Variants in DLGAP4 observed in about 807,000 individuals in gnomAD.
The protein encoded by DLGAP4 is DLG associated protein 4, also known as disks large-associated protein 4.
A neutral mutation model predicts 86.9 loss-of-function variants in DLGAP4; 18 were observed. The ratio of observed to expected loss-of-function variants is 0.21; its 90% CI spans 0.14 to 0.31. The LOEUF (loss-of-function observed/expected upper bound fraction) is 0.31. Ranked by LOEUF, DLGAP4 falls within the 10% of genes least tolerant of loss-of-function variation. The probability of loss-of-function intolerance (pLI) is 1.00; values close to 1 mark genes in which losing one functional copy is unlikely to be tolerated. For synonymous variants in DLGAP4, 548 were observed against 574.3 expected (o/e 0.95, Z 0.65); for missense variants, 1,085 against 1,362.6 (o/e 0.80, Z 3.21).
chr20:36,526,836 G>A lies in DLGAP4; in HGVS notation c.2784G>A (p.Pro928=), dbSNP rs376145619. ...AGGAAGAGAAGAAACCACCCCCTCC[G>A]GTCCCAAAGAAGCCAGCCAAATCCA... The part of the protein sequence containing the change: ...KRKEEKKPPP[P]VPKKPAKSKP... The change falls in exon 13 of 13, where the codon CCG becomes CCA. Residue 928 remains proline (P), a synonymous_variant. Coordinates refer to ENST00000339266, the MANE Select transcript of DLGAP4 (RefSeq NM_001365621.2). 1.9e-5 allele frequency: 31 copies of A among 1,609,220 alleles called. No individual in the cohort carries two copies. Among genetic ancestry groups the A allele is most frequent in the Middle Eastern group, 1.9e-4 (1 of 5,218 alleles).
At position 36,357,758 on chromosome 20, in the gene DLGAP4, C is replaced by T. The variant is rs756800158; in HGVS notation, c.-303-9287C>T. 1.3e-3 allele frequency among the ~76,000 whole-genome samples: 205 copies of T among 152,110 alleles called. 1 individual carries two copies. Among genetic ancestry groups the T allele is most frequent in the Non-Finnish European group, 1.5e-3 (103 of 67,994 alleles). On this transcript the variant is annotated intron_variant, in intron 1 of 12. Coordinates refer to ENST00000339266, the MANE Select transcript of DLGAP4 (RefSeq NM_001365621.2). ...GCCACTGTGGCAGGCCCTGAGAGTGCGGAATAGAAACAAAGGGATTACAGG... is the reference window on the plus strand; with the variant it reads ...GCCACTGTGGCAGGCCCTGAGAGTGTGGAATAGAAACAAAGGGATTACAGG...
At chr20:36,438,701 ATCT>A (rs2033357821) in intron 4 of DLGAP4, among the ~76,000 whole-genome samples, 1 of 106,202 alleles carries the variant, frequency 9.4e-6, no homozygotes, top group African/African-American at 3.4e-5. Context: ...CAGTTTCCCC[ATCT>A]TTTTTTTTTT....
intron 7 of DLGAP4, among the ~76,000 whole-genome samples, chr20:36,477,189 A>G (rs1211013560): frequency 6.7e-6 from 1 of 150,044 alleles, no homozygotes; most frequent in Non-Finnish European, 1.5e-5. Flanking sequence ...CTCGCCTCCT[A>G]GGTCCAAGTG....
intron 7 of DLGAP4, among the ~76,000 whole-genome samples, chr20:36,466,950 C>CTCTCTCTCTCTG (rs2034391611): frequency 7.1e-6 from 1 of 140,364 alleles, no homozygotes; most frequent in African/African-American, 3.2e-5. Context: ...CTCTCTGTCT[C>CTCTCTCTCTCTG]TCTCTCTCTC....
At chr20:36,485,721 C>G (rs540873950) in intron 7 of DLGAP4, among the ~76,000 whole-genome samples, 1 of 152,334 alleles carries the variant, frequency 6.6e-6, no homozygotes, top group East Asian at 1.9e-4. Context: ...ATAATTACCA[C>G]TCCTCCCAGA....
chr20:36,440,745 G>C (rs1030367807), intron 5 of DLGAP4, among the ~76,000 whole-genome samples: 1 of 151,856 alleles, frequency 6.6e-6, no homozygotes, highest in Admixed American at 6.6e-5. Context: ...GGACTAAAAG[G>C]CACCCCCCAT....
intron 10 of DLGAP4, among the ~76,000 whole-genome samples, chr20:36,509,668 C>T (rs928146842): frequency 3.9e-5 from 6 of 151,938 alleles, no homozygotes; most frequent in Admixed American, 2.0e-4. Flanking sequence ...GAGGATTGCT[C>T]GAGTGTGGGA....
chr20:36,356,587 AG>A (rs1286264161), intron 1 of DLGAP4, among the ~76,000 whole-genome samples: 1 of 151,750 alleles, frequency 6.6e-6, no homozygotes, highest in Non-Finnish European at 1.5e-5. Context: ...CTGGGATTAC[AG>A]GGGTGAGCCA....
At chr20:36,401,342 A>T (rs1297383414) in intron 2 of DLGAP4, among the ~76,000 whole-genome samples, 1 of 152,236 alleles carries the variant, frequency 6.6e-6, no homozygotes, top group Non-Finnish European at 1.5e-5. Context: ...AATATCAATT[A>T]GCATCCAGCT....
At chr20:36,349,821 C>A (rs2147387121) in intron 1 of DLGAP4, among the ~76,000 whole-genome samples, 1 of 152,234 alleles carries the variant, frequency 6.6e-6, no homozygotes, top group East Asian at 1.9e-4. Context: ...AGTATGTGGT[C>A]ATCACATCAA....
chr20:36,373,103 T>C (rs1331093410), intron 2 of DLGAP4, among the ~76,000 whole-genome samples: 1 of 152,176 alleles, frequency 6.6e-6, no homozygotes, highest in Non-Finnish European at 1.5e-5. Flanking sequence ...TTCCTCTGGA[T>C]GGTGAGATAT....
chr20:36,379,995 A>G (rs2031312934), intron 2 of DLGAP4, among the ~76,000 whole-genome samples: 2 of 152,104 alleles, frequency 1.3e-5, no homozygotes, highest in Non-Finnish European at 2.9e-5. Flanking sequence ...CAGCCTGGGC[A>G]ACATAGTGAG....
At chr20:36,526,642 A>ACTGT (rs1198917653) in intron 12 of DLGAP4, among the ~76,000 whole-genome samples, 171 bp from the exon 13 acceptor site, 1 of 151,354 alleles carries the variant, frequency 6.6e-6, no homozygotes, top group Non-Finnish European at 1.5e-5. Flanking sequence ...AGCTCTTCCC[A>ACTGT]CTGTCAGTCA....
chr20:36,477,038 G>C (rs982090339), intron 7 of DLGAP4, among the ~76,000 whole-genome samples: 3 of 151,374 alleles, frequency 2.0e-5, no homozygotes, highest in Admixed American at 6.6e-5. Flanking sequence ...GCAGCTGAGG[G>C]GAATGCTCTG....
chr20:36,470,171 A>C (rs1045817618), intron 7 of DLGAP4, among the ~76,000 whole-genome samples: 1 of 152,110 alleles, frequency 6.6e-6, no homozygotes, highest in Non-Finnish European at 1.5e-5. Flanking sequence ...AGTTTCACTT[A>C]ATTTCCCGTC....
chr20:36,392,601 T>C (rs956560543), intron 2 of DLGAP4, among the ~76,000 whole-genome samples: 2 of 151,402 alleles, frequency 1.3e-5, no homozygotes, highest in African/African-American at 4.8e-5. Context: ...AACTCCTGAC[T>C]TCGTCATCCA....
intron 7 of DLGAP4, 115 bp downstream of exon 7, chr20:36,447,052 C>T: frequency 2.1e-6 from 3 of 1,458,318 alleles, no homozygotes; most frequent in Middle Eastern, 2.4e-4. Flanking sequence ...GGCTGGCCCG[C>T]ACCAGGGGGA....
chr20:36,461,751 G>GTCCGGGC, intron 7 of DLGAP4: 1 of 618,852 alleles, frequency 1.6e-6, no homozygotes, highest in South Asian at 6.0e-5. Context: ...CCGTCCGTCC[G>GTCCGGGC]CCCGCCCGCC....
At chr20:36,463,758 C>G (rs1273280779) in intron 7 of DLGAP4, among the ~76,000 whole-genome samples, 1 of 152,156 alleles carries the variant, frequency 6.6e-6, no homozygotes, top group African/African-American at 2.4e-5. Flanking sequence ...TTCCTGCTTC[C>G]CCTGTAGAGT....
Sources: gnomAD v4.1 joint callset for allele counts (sites outside exome capture counted in the v4.1 genomes callset) on GRCh38, gnomAD v4.1.1 for gene constraint, MANE v1.5 for transcripts, NCBI Gene and HGNC (gene_info 2026-07-23, HGNC 2026-07-21) for gene names.